Variants in ORC3 observed in about 807,000 individuals in gnomAD.
The protein encoded by ORC3 is homolog of latheo, Drosophila.
In ORC3, 78 loss-of-function variants were observed where a neutral mutation model predicts 100.7. The observed-to-expected ratio is 0.77, with a 90% CI of 0.65 to 0.94. The LOEUF is 0.94. Ranked by LOEUF, ORC3 falls within the 40% of genes least tolerant of loss-of-function variation. ORC3 has a pLI of 0.00. For synonymous variants in ORC3, 295 were observed against 289.3 expected, an observed-to-expected ratio of 1.02 and a Z score of -0.20; for missense variants, 789 against 823.9, an observed-to-expected ratio of 0.96 and a Z score of 0.52.
intron 4 of ORC3, 143 bp from the exon 5 acceptor site, chr6:87,605,774 A>G (rs1778288015): frequency 3.8e-6 from 2 of 533,238 alleles, no homozygotes; most frequent in African/African-American, 3.9e-5. Context: ...AATGGATATC[A>G]TTTATATAGT....
chr6:87,661,821 G>T (rs1213615256), intron 16 of ORC3, among the ~76,000 whole-genome samples: 1 of 152,102 alleles, frequency 6.6e-6, no homozygotes, highest in Non-Finnish European at 1.5e-5. Context: ...ACATTACTCT[G>T]TCTATGGGTT....
chr6:87,614,127 T>A (rs1345105747), intron 8 of ORC3, among the ~76,000 whole-genome samples: 4 of 152,138 alleles, frequency 2.6e-5, no homozygotes, highest in Non-Finnish European at 4.4e-5. Context: ...TTTCCATACA[T>A]CTTCTGAAAT....
the ORC3 span, among the ~76,000 whole-genome samples, chr6:87,676,478 C>T: frequency 6.8e-6 from 1 of 146,038 alleles, no homozygotes; most frequent in Non-Finnish European, 1.5e-5. Flanking sequence ...AAAACGAGGC[C>T]GGGCGCGGTG....
chr6:87,676,432 C>G, the ORC3 span, among the ~76,000 whole-genome samples: 25 of 113,268 alleles, frequency 2.2e-4, no homozygotes, highest in East Asian at 5.8e-3. Context: ...CGCCACTGCA[C>G]TCCAGCCTGG....
chr6:87,671,910 T>A (rs1301584578), downstream of ORC3, among the ~76,000 whole-genome samples: 1 of 148,430 alleles, frequency 6.7e-6, no homozygotes, highest in East Asian at 2.0e-4. Flanking sequence ...CTTGCACTCT[T>A]GCACAACAAG....
At chr6:87,615,854 A>G (rs553744525) in intron 8 of ORC3, among the ~76,000 whole-genome samples, 13 of 152,204 alleles carry the variant, frequency 8.5e-5, no homozygotes, top group Non-Finnish European at 1.6e-4. Context: ...CAGCTATTCT[A>G]TACTTTTGAA....
chr6:87,609,317 A>G, intron 7 of ORC3, 88 bp downstream of exon 7: 1 of 833,634 alleles, frequency 1.2e-6, no homozygotes, highest in Non-Finnish European at 1.8e-6. Flanking sequence ...CTTCATTTTA[A>G]TACCAACTGG....
intron 2 of ORC3, chr6:87,595,116 G>A (rs1255369627): frequency 6.6e-6 from 1 of 152,170 alleles, no homozygotes; most frequent in Non-Finnish European, 1.5e-5. Context: ...AGGGATAAAT[G>A]CTGTGCACAT....
At chr6:87,649,957 CTTTT>C (rs996772427) in intron 13 of ORC3, among the ~76,000 whole-genome samples, 2 of 146,944 alleles carry the variant, frequency 1.4e-5, no homozygotes, top group Non-Finnish European at 3.0e-5. Flanking sequence ...TGAACATGGG[CTTTT>C]TTTTCATTAT....
intron 11 of ORC3, among the ~76,000 whole-genome samples, chr6:87,628,206 A>G (rs764609446): frequency 5.9e-5 from 9 of 152,234 alleles, no homozygotes; most frequent in Non-Finnish European, 1.3e-4. Flanking sequence ...CATCAGGATA[A>G]ACAGCTAATG....
At chr6:87,661,619 T>C (rs941752381) in intron 16 of ORC3, among the ~76,000 whole-genome samples, 3 of 152,166 alleles carry the variant, frequency 2.0e-5, no homozygotes, top group Non-Finnish European at 4.4e-5. Flanking sequence ...GAAAGGATAC[T>C]TGGAAGAAGG....
chr6:87,667,491 C>G (rs941603439), downstream of ORC3: 1 of 168,292 alleles, frequency 5.9e-6, no homozygotes, highest in African/African-American at 2.4e-5. Context: ...TCCTCCTCTC[C>G]CAATTCCCTG....
the ORC3 span, chr6:87,677,732 G>T: frequency 4.1e-6 from 6 of 1,453,996 alleles, no homozygotes; most frequent in South Asian, 3.9e-5. Flanking sequence ...CCGCACCAGT[G>T]TATAGAAAGT....
chr6:87,647,434 T>C (rs962471483), intron 13 of ORC3, among the ~76,000 whole-genome samples: 6 of 152,232 alleles, frequency 3.9e-5, no homozygotes, highest in Admixed American at 1.3e-4. Context: ...TCCTCCTTTA[T>C]GTACTTGATC....
intron 12 of ORC3, 132 bp from the exon 13 acceptor site, chr6:87,636,275 A>C: frequency 1.6e-6 from 1 of 619,866 alleles, no homozygotes; most frequent in Admixed American, 3.0e-5. Context: ...GATATATGCC[A>C]AGTCTATTAT....
At position 87,634,865 on chromosome 6, in the gene ORC3, A is replaced by G; in HGVS notation, c.1206A>G (p.Leu402=). 6.4e-7 allele frequency: 1 copy of G among 1,562,266 alleles called. No homozygotes were observed. Among genetic ancestry groups the G allele is most frequent in the Non-Finnish European group, 8.8e-7 (1 of 1,133,400 alleles). Residue 402 remains leucine, a synonymous_variant, in exon 12 of 20, where the codon CTA becomes CTG. Coordinates refer to ENST00000392844, the MANE Select transcript of ORC3 (RefSeq NM_012381.4). ...TTTAGGAGGAAACACAATTATTACTAGAAAACCTGCATGTTTATCATATGA... is the reference window on the plus strand; with the variant it reads ...TTTAGGAGGAAACACAATTATTACTGGAAAACCTGCATGTTTATCATATGA... ...RYLKEETQLL[L]ENLHVYHMNY... is the part of the protein sequence containing the mutation.
intron 9 of ORC3, among the ~76,000 whole-genome samples, chr6:87,619,857 T>G (rs1466015986): frequency 6.6e-6 from 1 of 152,118 alleles, no homozygotes; most frequent in African/African-American, 2.4e-5. Context: ...GTGGAAAATA[T>G]TGGTAAGTCG....
chr6:87,610,960 A>G (rs1235021913), intron 7 of ORC3, among the ~76,000 whole-genome samples: 19 of 126,082 alleles, frequency 1.5e-4, no homozygotes, highest in Non-Finnish European at 2.7e-4. Context: ...TTTTTGAGAC[A>G]GGGTCTGGCT....
intron 7 of ORC3, among the ~76,000 whole-genome samples, chr6:87,611,468 A>G (rs1044313136): frequency 6.6e-6 from 1 of 152,270 alleles, no homozygotes; most frequent in South Asian, 2.1e-4. Context: ...AATGGTATCT[A>G]ACATCTCTTC....
Sources: gnomAD v4.1 joint callset for allele counts (sites outside exome capture counted in the v4.1 genomes callset) on GRCh38, gnomAD v4.1.1 for gene constraint, MANE v1.5 for transcripts, NCBI Gene and HGNC (gene_info 2026-07-23, HGNC 2026-07-21) for gene names.